Variants in BANK1 observed in about 807,000 individuals in gnomAD.
BANK1 encodes B cell scaffold protein with ankyrin repeats 1.
BANK1 carries 95 observed loss-of-function variants against 94.5 expected under a neutral mutation model. The ratio of observed to expected loss-of-function variants is 1.00; its 90% CI spans 0.85 to 1.19. The LOEUF (loss-of-function observed/expected upper bound fraction) is 1.19. Among genes scored for constraint, BANK1 ranks in the 50% most tolerant of loss-of-function variants. The probability of loss-of-function intolerance (pLI) is 0.00; values close to 1 mark genes in which losing one functional copy is unlikely to be tolerated. For missense variants in BANK1, 987 were observed against 932.2 expected, an observed-to-expected ratio of 1.06 and a Z score of -0.77; for synonymous variants, 334 against 308.4, an observed-to-expected ratio of 1.08 and a Z score of -0.87.
intron 8 of BANK1, among the ~76,000 whole-genome samples, chr4:102,023,147 T>C (rs1428077237): frequency 6.6e-6 from 1 of 152,196 alleles, no homozygotes; most frequent in Non-Finnish European, 1.5e-5. Flanking sequence ...TAACAGAACA[T>C]AGTCTATGCC....
intron 2 of BANK1, 37 bp downstream of exon 2, chr4:101,830,243 T>A (rs1560591743): frequency 7.4e-7 from 1 of 1,352,106 alleles, no homozygotes; most frequent in African/African-American, 2.2e-5. Context: ...TATTTTTATT[T>A]GTTTTTTTTT....
chr4:101,951,596 A>C (rs1724155498), intron 7 of BANK1, among the ~76,000 whole-genome samples: 1 of 152,250 alleles, frequency 6.6e-6, no homozygotes, highest in Admixed American at 6.5e-5. Context: ...CTTTGTAAGA[A>C]AAACAAATCC....
chr4:101,810,039 G>A (rs991659093), intron 1 of BANK1, among the ~76,000 whole-genome samples: 4 of 152,184 alleles, frequency 2.6e-5, no homozygotes, highest in Non-Finnish European at 1.5e-5. Context: ...GATCCTAAGA[G>A]TGAAAAGGGA....
chr4:101,846,522 G>A (rs546834556), intron 2 of BANK1, among the ~76,000 whole-genome samples: 1 of 152,156 alleles, frequency 6.6e-6, no homozygotes, highest in Non-Finnish European at 1.5e-5. Context: ...TTTTTAAGAA[G>A]ACTGGGTAAT....
chr4:101,998,952 C>G (rs1725969449), intron 7 of BANK1, among the ~76,000 whole-genome samples: 1 of 152,132 alleles, frequency 6.6e-6, no homozygotes, highest in African/African-American at 2.4e-5. Context: ...GCTTTATTAA[C>G]AGCCTGATAA....
chr4:101,835,621 A>G (rs1387621233), intron 2 of BANK1, among the ~76,000 whole-genome samples: 2 of 152,206 alleles, frequency 1.3e-5, no homozygotes, highest in African/African-American at 4.8e-5. Flanking sequence ...AAAACAAACA[A>G]CAGAACAGAA....
At chr4:102,035,556 G>A (rs1366308164) in intron 10 of BANK1, among the ~76,000 whole-genome samples, 1 of 151,360 alleles carries the variant, frequency 6.6e-6, no homozygotes, top group Non-Finnish European at 1.5e-5. Flanking sequence ...GCTGAGGCAG[G>A]AGAATGGCAT....
intron 7 of BANK1, among the ~76,000 whole-genome samples, chr4:101,959,893 G>T (rs538739637): frequency 6.6e-6 from 1 of 152,260 alleles, no homozygotes; most frequent in African/African-American, 2.4e-5. Flanking sequence ...TATATCCTCT[G>T]TCCCAAGTAG....
At chr4:102,024,023 T>G (rs1726999478) in intron 8 of BANK1, among the ~76,000 whole-genome samples, 1 of 152,180 alleles carries the variant, frequency 6.6e-6, no homozygotes, top group African/African-American at 2.4e-5. Flanking sequence ...ATGCTGGTAA[T>G]TAAAGAATCT....
intron 7 of BANK1, among the ~76,000 whole-genome samples, chr4:101,920,504 T>C (rs1393828078): frequency 2.0e-5 from 3 of 151,966 alleles, no homozygotes; most frequent in Admixed American, 6.6e-5. Flanking sequence ...TCTATATCAC[T>C]TCAGTGTTAT....
intron 7 of BANK1, among the ~76,000 whole-genome samples, chr4:101,931,561 C>T (rs565764421): frequency 6.7e-4 from 101 of 151,588 alleles, no homozygotes; most frequent in Non-Finnish European, 1.3e-3. Context: ...TGGGGACTTA[C>T]GAGTCTCCAT....
chr4:102,001,138 A>G (rs977960338), intron 7 of BANK1, among the ~76,000 whole-genome samples: 5 of 152,230 alleles, frequency 3.3e-5, no homozygotes, highest in East Asian at 3.8e-4. Flanking sequence ...GCTGGTTTCT[A>G]GAATATCAAA....
intron 14 of BANK1, among the ~76,000 whole-genome samples, chr4:102,071,795 A>G (rs933305150): frequency 6.6e-6 from 1 of 152,194 alleles, no homozygotes; most frequent in Non-Finnish European, 1.5e-5. Context: ...CTGATGGGAT[A>G]GTAAGGAGGA....
chr4:102,064,234 T>A (rs1728517710), intron 13 of BANK1, among the ~76,000 whole-genome samples: 1 of 152,198 alleles, frequency 6.6e-6, no homozygotes, highest in Non-Finnish European at 1.5e-5. Context: ...TACAGTTATC[T>A]TTTTTTCTAG....
In BANK1 at chr4:101,790,816, C is replaced by T. The variant is rs1283094426; in HGVS notation, c.-65C>T. On this transcript the variant is annotated 5_prime_UTR_variant, in exon 1 of 17. Coordinates refer to ENST00000322953, the MANE Select transcript of BANK1 (RefSeq NM_017935.5). ...AGAGAAAATCGCGGGGAGTCTCTGG[C>T]CGGGAGAGTCCAGGTAGCGCTCGGC... 4.1e-6 allele frequency: 6 copies of T among 1,480,056 alleles called. No homozygotes were observed. The highest frequency in any genetic ancestry group is 4.6e-6 in the Non-Finnish European group (5 of 1,096,082). The allele number at this position is 1,480,056 out of a possible 1,614,324, so 91.7% of individuals were successfully genotyped here. A position where few individuals can be genotyped will look rare whatever the true frequency, so the allele number is the denominator to read the frequency against.
At chr4:102,005,621 A>T (rs1335741887) in intron 7 of BANK1, among the ~76,000 whole-genome samples, 1 of 152,134 alleles carries the variant, frequency 6.6e-6, no homozygotes, top group Non-Finnish European at 1.5e-5. Context: ...AAACATCAGT[A>T]AATGAGTTCG....
chr4:101,909,748 T>C (rs1722596628), intron 6 of BANK1, among the ~76,000 whole-genome samples: 1 of 152,208 alleles, frequency 6.6e-6, no homozygotes, highest in African/African-American at 2.4e-5. Context: ...CCCAACAACA[T>C]ATATAAAAAT....
chr4:102,057,618 A>G (rs1290943140), intron 11 of BANK1, among the ~76,000 whole-genome samples: 1 of 152,120 alleles, frequency 6.6e-6, no homozygotes, highest in Admixed American at 6.5e-5. Flanking sequence ...GGTGTCAGCC[A>G]CTGCACCTGG....
chr4:101,997,537 A>T (rs1369346779), intron 7 of BANK1, among the ~76,000 whole-genome samples: 1 of 152,050 alleles, frequency 6.6e-6, no homozygotes. Flanking sequence ...TTAGCTGTGA[A>T]TCCATCTGGT....
Sources: gnomAD v4.1 joint callset for allele counts (sites outside exome capture counted in the v4.1 genomes callset) on GRCh38, gnomAD v4.1.1 for gene constraint, MANE v1.5 for transcripts, NCBI Gene and HGNC (gene_info 2026-07-23, HGNC 2026-07-21) for gene names.